Variants in FNBP4 observed in about 807,000 individuals in gnomAD.
FNBP4 encodes formin-binding protein 4.
In FNBP4, 34 loss-of-function variants were observed where a neutral mutation model predicts 119.3. The ratio of observed to expected loss-of-function variants is 0.28; its 90% CI spans 0.22 to 0.38. The LOEUF (loss-of-function observed/expected upper bound fraction) is 0.38. Ranked by LOEUF, FNBP4 falls within the 10% of genes least tolerant of loss-of-function variation. The probability of loss-of-function intolerance (pLI) is 1.00; values close to 1 mark genes in which losing one functional copy is unlikely to be tolerated. For missense variants in FNBP4, 1,112 were observed against 1,228.9 expected, an observed-to-expected ratio of 0.90 and a Z score of 1.42; for synonymous variants, 462 against 430.6, an observed-to-expected ratio of 1.07 and a Z score of -0.90.
chr11:47,763,738 T>G (rs1214302880), intron 2 of FNBP4, among the ~76,000 whole-genome samples: 1 of 151,972 alleles, frequency 6.6e-6, no homozygotes, highest in Non-Finnish European at 1.5e-5. Flanking sequence ...CTGACGTCAT[T>G]ATCCACCTGC....
At chr11:47,740,599 GT>G (rs36005884) in intron 8 of FNBP4, among the ~76,000 whole-genome samples, 52,146 of 148,416 alleles carry the variant, frequency 0.35, 10,708 homozygotes, top group South Asian at 0.52. Context: ...ATATGTATTT[GT>G]TTTTTTTTTC....
intron 15 of FNBP4, among the ~76,000 whole-genome samples, chr11:47,720,403 C>T (rs2097554237): frequency 1.3e-5 from 2 of 151,758 alleles, no homozygotes; most frequent in African/African-American, 4.8e-5. Context: ...CCTGTCTCTA[C>T]TAAAAATACA....
In FNBP4 at chr11:47,732,265, G is replaced by A; in HGVS notation, c.1820+272C>T. Reference sequence around the variant, plus strand: ...TCGCATGCGCTTAACCCCCAAGCCCGCCCTACTCCGTGCAACACTCTGGAG... The same window carrying A: ...TCGCATGCGCTTAACCCCCAAGCCCACCCTACTCCGTGCAACACTCTGGAG... On this transcript the variant is annotated intron_variant, in intron 11 of 16. Transcript: ENST00000263773. This position sits in a 1 kb window ranked among gnomAD's most constrained non-coding sequence, Gnocchi z 4.2. 2 of 1,268,892 alleles carry A rather than the reference G, an allele frequency of 1.6e-6. No homozygotes were observed. Among genetic ancestry groups the A allele is most frequent in the Non-Finnish European group, 2.0e-6 (2 of 1,001,368 alleles). The allele number at this position is 1,268,892 out of a possible 1,614,324, so 78.6% of individuals were successfully genotyped here.
rs751673974 is a variant in FNBP4 at position 47,723,303 on chromosome 11, T to C, written c.2478A>G (p.Ala826=). The C allele has an allele frequency of 3.1e-6, 5 of 1,608,884 alleles. No homozygotes were observed. Among genetic ancestry groups the C allele is most frequent in the Middle Eastern group, 3.3e-4 (2 of 6,050 alleles). Residue 826 remains alanine, a synonymous_variant, in exon 15 of 17, where the codon GCA becomes GCG. Transcript: ENST00000263773. ...TTCCTGTTGCCTGGTTTCCAATCCC[T>C]GCTGCCTGGTGACCTAACACAGAAA... The part of the protein sequence containing the change: ...QSAIATGHQA[A]GIGNQATGIG...
At chr11:47,729,586 T>C in intron 12 of FNBP4, 3 of 949,036 alleles carry the variant, frequency 3.2e-6, no homozygotes, top group Non-Finnish European at 3.8e-6. Flanking sequence ...TATGGCTTAC[T>C]GCAGCCTCAA....
At chr11:47,764,166 T>G (rs955052283) in intron 2 of FNBP4, among the ~76,000 whole-genome samples, 3 of 152,158 alleles carry the variant, frequency 2.0e-5, no homozygotes, top group African/African-American at 7.2e-5. Flanking sequence ...CAGGCTGGAG[T>G]GCAGTGGCAA....
rs12282406 is a variant in FNBP4 at position 47,747,672 on chromosome 11, G to A, written c.907-1278C>T. Among the ~76,000 whole-genome samples the A allele has an allele frequency of 6.1e-3, 932 of 152,230 alleles. 14 individuals carry two copies. The highest frequency in any genetic ancestry group is 0.021 in the African/African-American group (858 of 41,548). On this transcript the variant is annotated intron_variant, in intron 6 of 16. Transcript: ENST00000263773. ...GACTAAAGTGAACTATTCCTAGGCC[G>A]GGCGCAGTGGCTCATGCCTGTAATT...
In FNBP4 at chr11:47,767,310, A is replaced by C. The variant is rs545737640; in HGVS notation, c.-22T>G. The C allele has an allele frequency of 2.1e-3, 3,096 of 1,470,250 alleles. 4 individuals are homozygous for C. Among genetic ancestry groups the C allele is most frequent in the Middle Eastern group, 8.3e-3 (40 of 4,818 alleles). 91.1% of individuals were successfully genotyped at this position (1,470,250 alleles called of 1,614,324 possible). On this transcript the variant is annotated 5_prime_UTR_variant, in exon 1 of 17. Coordinates refer to ENST00000263773, the MANE Select transcript of FNBP4 (RefSeq NM_015308.5). ...CCATCGCGAGCCCAAGCGCGAGCAG[A>C]GAGCGTCGGGCGGCCGAGAGGGGCG... is the stretch of plus-strand genomic sequence containing the variant.
intron 8 of FNBP4, among the ~76,000 whole-genome samples, chr11:47,740,003 T>C (rs1264184813): frequency 6.6e-6 from 1 of 151,954 alleles, no homozygotes; most frequent in East Asian, 2.0e-4. Context: ...TTTCTCCACG[T>C]TGGTCAGGCT....
chr11:47,754,482 C>A, intron 3 of FNBP4, 46 bp downstream of exon 3: 1 of 1,598,714 alleles, frequency 6.3e-7, no homozygotes, highest in South Asian at 1.1e-5. Context: ...ATCCAGGTCC[C>A]AAAGTAGCTT....
At chr11:47,762,580 T>G (rs2097637924) in intron 2 of FNBP4, among the ~76,000 whole-genome samples, 1 of 151,994 alleles carries the variant, frequency 6.6e-6, no homozygotes, top group Non-Finnish European at 1.5e-5. Context: ...CCACAGGTGC[T>G]CATCAGCACG....
chr11:47,724,974 C>A, intron 12 of FNBP4, 196 bp from the exon 13 acceptor site: 1 of 551,558 alleles, frequency 1.8e-6, no homozygotes. Context: ...GGCATCTATT[C>A]TATACTGATA....
chr11:47,755,266 A>G (rs527510331), intron 2 of FNBP4, among the ~76,000 whole-genome samples: 1 of 152,156 alleles, frequency 6.6e-6, no homozygotes, highest in Admixed American at 6.6e-5. Flanking sequence ...CCTGACCAAC[A>G]TGGAGAAACC....
chr11:47,720,997 T>C (rs1422954421), intron 15 of FNBP4, among the ~76,000 whole-genome samples: 1 of 151,644 alleles, frequency 6.6e-6, no homozygotes, highest in African/African-American at 2.4e-5. Flanking sequence ...AATAAATAAA[T>C]AGCCATAATT....
chr11:47,725,838 TA>T, intron 12 of FNBP4: 1 of 955,866 alleles, frequency 1.0e-6, no homozygotes, highest in Non-Finnish European at 1.2e-6. Context: ...ATTTTCTCCC[TA>T]AAATCATAGA....
At chr11:47,736,820 T>C (rs1411190641) in intron 8 of FNBP4, 80 bp from the exon 9 acceptor site, 2 of 1,239,982 alleles carry the variant, frequency 1.6e-6, no homozygotes, top group Non-Finnish European at 1.1e-6. Flanking sequence ...ATAGCAGATA[T>C]CTGCAAAAGA....
intron 2 of FNBP4, among the ~76,000 whole-genome samples, chr11:47,758,098 CTTTTT>C (rs1259696388): frequency 1.3e-5 from 2 of 151,994 alleles, no homozygotes; most frequent in African/African-American, 4.8e-5. Flanking sequence ...TTTTTCATTT[CTTTTT>C]TTTGAGACAG....
intron 2 of FNBP4, among the ~76,000 whole-genome samples, chr11:47,762,764 G>C (rs931705804): frequency 6.6e-6 from 1 of 151,818 alleles, no homozygotes; most frequent in Non-Finnish European, 1.5e-5. Context: ...ACAAAAATTA[G>C]CTGGGCATGG....
At chr11:47,762,138 G>C (rs913274725) in intron 2 of FNBP4, among the ~76,000 whole-genome samples, 4 of 138,198 alleles carry the variant, frequency 2.9e-5, no homozygotes, top group African/African-American at 1.1e-4. Flanking sequence ...GCGTCTGGCT[G>C]TTTTTTTTTT....
Sources: allele counts gnomAD v4.1 joint callset (sites outside exome capture counted in the v4.1 genomes callset), GRCh38; gene constraint gnomAD v4.1.1; non-coding constraint Gnocchi (gnomAD v3.1); transcripts MANE v1.5; gene names NCBI Gene and HGNC (gene_info 2026-07-23, HGNC 2026-07-21).